The following AGRN variants were observed in gnomAD, a reference collection of about 807,000 sequenced individuals.
AGRN encodes agrin.
In AGRN, 106 loss-of-function variants were observed where a neutral mutation model predicts 211.0. The ratio of observed to expected loss-of-function variants is 0.50; its 90% confidence interval spans 0.43 to 0.59. AGRN has a LOEUF of 0.59. Ranked by LOEUF, AGRN falls within the 20% of genes least tolerant of loss-of-function variation. The pLI is 0.00. For synonymous variants in AGRN, 1,525 were observed against 1,332.5 expected (o/e 1.14, Z -3.15); for missense variants, 3,040 against 2,982.6 (o/e 1.02, Z -0.45).
chr1:1,029,365 A>ATCTATGCAGGCAGGTGGGGTGATCAGTG (rs1644595403), intron 2 of AGRN, among the ~76,000 whole-genome samples: 1 of 57,812 alleles, frequency 1.7e-5, no homozygotes, highest in African/African-American at 6.2e-5. Context: ...GATGCCCAAT[A>ATCTATGCAGGCAGGTGGGGTGATCAGTG]TCTATGCAGG....
chr1:1,025,106 G>T (rs1001507548), intron 2 of AGRN, among the ~76,000 whole-genome samples: 8 of 152,116 alleles, frequency 5.3e-5, no homozygotes, highest in African/African-American at 1.9e-4. Context: ...CGGCCAGGCC[G>T]CCCGGGGCCC....
intron 2 of AGRN, among the ~76,000 whole-genome samples, chr1:1,027,953 C>A (rs1644555644): frequency 6.6e-6 from 1 of 152,188 alleles, no homozygotes; most frequent in Non-Finnish European, 1.5e-5. Flanking sequence ...CAAACACCGG[C>A]CCACGGCCGC....
rs796743102 is a variant in AGRN, at chr1:1,029,863, ATG to A, written c.464-5405_464-5404del. 2.4e-3 allele frequency among the ~76,000 whole-genome samples: 88 copies of A among 37,426 alleles called. 7 individuals carry two copies. The highest frequency in any genetic ancestry group is 8.6e-3 in the African/African-American group (86 of 10,046). 24.6% of individuals were successfully genotyped at this position (37,426 alleles called of 152,430 possible). A position where few individuals can be genotyped will look rare whatever the true frequency, so the allele number is the denominator to read the frequency against. On this transcript the variant is annotated intron_variant, in intron 2 of 35. Transcript: ENST00000379370. Reference sequence around the variant, plus strand: ...CAGTGCATGGTGCTGTGAGATCAGCATGTGTGTGTGCAGTGCATGGTGCTGTG... The same window carrying A: ...CAGTGCATGGTGCTGTGAGATCAGCATGTGTGTGCAGTGCATGGTGCTGTG...
At chr1:1,033,741 G>C (rs1644729119) in intron 2 of AGRN, among the ~76,000 whole-genome samples, 1 of 111,588 alleles carries the variant, frequency 9.0e-6, no homozygotes, top group South Asian at 3.3e-4. Context: ...GCCCACCCTC[G>C]GCCCCAGCCT....
chr1:1,050,669 GGGTGGTCGCGTGGCC>G, intron 29 of AGRN, 42 bp from the exon 30 acceptor site: 1 of 1,604,072 alleles, frequency 6.2e-7, no homozygotes, highest in Non-Finnish European at 8.5e-7. Context: ...CTCAGGCCCT[GGGTGGTCGCGTGGCC>G]GGTGGTGGAC....
At chr1:1,037,625 G>A (rs917139327) in intron 3 of AGRN, among the ~76,000 whole-genome samples, 1 of 152,250 alleles carries the variant, frequency 6.6e-6, no homozygotes. Flanking sequence ...CCTGCAGGAG[G>A]TGGAGCTAAG....
rs563397113 is a variant in AGRN at position 1,021,816 on chromosome 1, C to T, written c.202-385C>T. 3.9e-5 allele frequency among the ~76,000 whole-genome samples: 6 copies of T among 152,376 alleles called. 1 individual carries two copies. In the South Asian group the frequency reaches 1.2e-3, roughly 32 times the overall value. ...AACGCCCCATCCCCCTCCTCCACTG[C>T]CCAAGCTTGCTGGGAGGTGGGCCCT... On this transcript the variant is annotated intron_variant, in intron 1 of 35. Coordinates refer to ENST00000379370, the MANE Select transcript of AGRN (RefSeq NM_198576.4).
Position 1,044,478 on chromosome 1 carries a change from G to A in AGRN, c.2254+39G>A, listed in dbSNP as rs1313042817. The A allele has an allele frequency of 2.6e-6, 4 of 1,567,910 alleles. 1 individual carries two copies. In the South Asian group the frequency reaches 3.5e-5, roughly 14 times the overall value. On this transcript the variant is annotated intron_variant, in intron 12 of 35. Coordinates refer to ENST00000379370, the MANE Select transcript of AGRN (RefSeq NM_198576.4). ...ACGTGGGGTCTCAGGCACAGGCGGGGCGGCGTCTGGGTTTCCGTGTCTGGA... is the reference window on the plus strand; with the variant it reads ...ACGTGGGGTCTCAGGCACAGGCGGGACGGCGTCTGGGTTTCCGTGTCTGGA...
rs375435676 is a variant in AGRN at position 1,030,848 on chromosome 1, CGTGT to C, written c.464-4419_464-4416del. 3.0e-3 allele frequency among the ~76,000 whole-genome samples: 234 copies of C among 77,630 alleles called. 2 individuals carry two copies. The highest frequency in any genetic ancestry group is 0.015 in the Middle Eastern group (1 of 66). The allele number at this position is 77,630 out of a possible 152,430, so 50.9% of individuals were successfully genotyped here. ...GCAGTGCATGGTGCTGTGAGATCAG[CGTGT>C]GTGTGTGTGCAGTGCATGGTGCTGT... is the stretch of plus-strand genomic sequence containing the variant. On this transcript the variant is annotated intron_variant, in intron 2 of 35. Coordinates refer to ENST00000379370, the MANE Select transcript of AGRN (RefSeq NM_198576.4).
intron 2 of AGRN, chr1:1,034,915 G>C (rs1418110747): frequency 3.1e-5 from 12 of 392,836 alleles, no homozygotes; most frequent in African/African-American, 8.0e-5. Context: ...CACTTTCTGC[G>C]GGAGCTGGGG....
intron 7 of AGRN, among the ~76,000 whole-genome samples, chr1:1,042,773 G>A (rs931597192): frequency 6.6e-6 from 1 of 152,080 alleles, no homozygotes; most frequent in Admixed American, 6.5e-5. Context: ...CGGCAGGGGG[G>A]GTGGCTTGCT....
At position 1,040,834 on chromosome 1, in the gene AGRN, G is replaced by A. The variant is rs1644910288; in HGVS notation, c.681G>A (p.Gln227=). ...ACGAATGCGAGCTGCAGCGGGCGCA[G>A]TGCAGCCAGCAGCGCCGCATCCGCC... ...YSNECELQRA[Q]CSQQRRIRLL... Residue 227 remains glutamine, a synonymous_variant, in exon 4 of 36, where the codon CAG becomes CAA. Transcript: ENST00000379370. 6.5e-7 allele frequency: 1 copy of A among 1,535,552 alleles called. No homozygotes were observed. The highest frequency in any genetic ancestry group is 8.7e-7 in the Non-Finnish European group (1 of 1,147,000).
At position 1,049,089 on chromosome 1, in the gene AGRN, G is replaced by C. The variant is rs548439465; in HGVS notation, c.4298+30G>C. The C allele has an allele frequency of 3.0e-6, 4 of 1,318,330 alleles. No individual in the cohort carries two copies. In the South Asian group the frequency reaches 4.2e-5, roughly 14 times the overall value. The allele number at this position is 1,318,330 out of a possible 1,614,324, so 81.7% of individuals were successfully genotyped here. A position where few individuals can be genotyped will look rare whatever the true frequency, so the allele number is the denominator to read the frequency against. The stretch of plus-strand genomic sequence containing the variant: ...GCGGGGAGGGGACGGGGCCGGGGCA[G>C]CTCAGGTGGGCGGGGAGGGGACGGG... On this transcript the variant is annotated intron_variant, in intron 24 of 35. Coordinates refer to ENST00000379370, the MANE Select transcript of AGRN (RefSeq NM_198576.4).
Position 1,040,790 on chromosome 1 carries a change from G to A in AGRN, c.637G>A (p.Asp213Asn), listed in dbSNP as rs1290416269. ...PSVVAPVCGS[D>N]ASTYSNECEL... ...CGTGGTGGCGCCTGTGTGTGGGTCG[G>A]ACGCCTCCACCTACAGCAACGAATG... The change falls in exon 4 of 36, where the codon GAC becomes AAC. Residue 213 changes from aspartate to asparagine, a missense_variant. By Grantham distance (23) the Asp-to-Asn change is conservative (BLOSUM62 1). This residue lies in a region of AGRN where 1,498 missense variants were observed against 1,457.8 expected (regional missense o/e 1.03). Coordinates refer to ENST00000379370, the MANE Select transcript of AGRN (RefSeq NM_198576.4). 12 of 1,540,062 alleles carry A rather than the reference G, an allele frequency of 7.8e-6. No individual in the cohort carries two copies. Among genetic ancestry groups the A allele is most frequent in the Non-Finnish European group, 1.0e-5 (12 of 1,147,980 alleles).
chr1:1,029,628 CATGT>C (rs1282168230), intron 2 of AGRN, among the ~76,000 whole-genome samples: 36 of 93,906 alleles, frequency 3.8e-4, no homozygotes, highest in South Asian at 8.2e-4. Flanking sequence ...GTGAGATCAG[CATGT>C]GTGTGTGTGT....
intron 7 of AGRN, 104 bp downstream of exon 7, chr1:1,042,266 C>A: frequency 7.3e-7 from 1 of 1,378,124 alleles, no homozygotes; most frequent in Non-Finnish European, 9.8e-7. Flanking sequence ...TCTTGGGGTC[C>A]TGGGAGTGGG....
chr1:1,043,588 C>T lies in AGRN; in HGVS notation c.1654C>T (p.Arg552Cys), dbSNP rs556149611. 34 of 1,605,024 alleles carry T rather than the reference C, an allele frequency of 2.1e-5. No individual in the cohort carries two copies. Among genetic ancestry groups the T allele is most frequent in the South Asian group, 7.7e-5 (7 of 91,058 alleles). ...FGALCEAETG[R>C]CVCPSECVAL... ...AGCCCTGTGCGAGGCCGAGACCGGG[C>T]GCTGCGTGTGCCCCTCTGAATGCGT... Residue 552 changes from arginine (R) to cysteine (C), a missense_variant, in exon 9 of 36, where the codon CGC becomes TGC. By Grantham distance (180) the Arg-to-Cys change is radical (BLOSUM62 -3). This residue lies in a region of AGRN where 1,498 missense variants were observed against 1,457.8 expected (regional missense o/e 1.03). Coordinates refer to ENST00000379370, the MANE Select transcript of AGRN (RefSeq NM_198576.4).
chr1:1,028,320 G>GCACCCCCCCCCCC (rs779617012), intron 2 of AGRN, among the ~76,000 whole-genome samples: 3 of 105,092 alleles, frequency 2.9e-5, no homozygotes, highest in African/African-American at 8.2e-5. Flanking sequence ...GTGGGGAAAC[G>GCACCCCCCCCCCC]CCCCCCCCCC....
chr1:1,039,443 C>T (rs1644877786), intron 3 of AGRN, among the ~76,000 whole-genome samples: 1 of 151,684 alleles, frequency 6.6e-6, no homozygotes, highest in Admixed American at 6.6e-5. Context: ...ATTTCACGAG[C>T]CTGCTGGGAA....
Sources: allele counts gnomAD v4.1 joint callset (sites outside exome capture counted in the v4.1 genomes callset), GRCh38; gene constraint gnomAD v4.1.1; regional missense constraint gnomAD v4.1.1; transcripts MANE v1.5; gene names NCBI Gene and HGNC (gene_info 2026-07-23, HGNC 2026-07-21).